OSBPL8: variants seen among roughly 807,000 people sequenced by gnomAD.
OSBPL8 encodes oxysterol binding protein like 8, also known as oxysterol-binding protein-related protein 8.
Under a neutral mutation model 125.5 loss-of-function variants are expected in OSBPL8, and 59 were observed. That is an observed-to-expected ratio of 0.47 (90% CI 0.38 to 0.58). The LOEUF is 0.58. OSBPL8 is among the 20% of genes least tolerant of loss of function. The probability of loss-of-function intolerance (pLI) is 0.00; values close to 1 mark genes in which losing one functional copy is unlikely to be tolerated. For synonymous variants in OSBPL8, 330 were observed against 338.9 expected (o/e 0.97, Z 0.29); for missense variants, 758 against 1,047.8 (o/e 0.72, Z 3.82).
intron 3 of OSBPL8, among the ~76,000 whole-genome samples, chr12:76,458,243 C>T (rs904301643): frequency 2.0e-5 from 3 of 152,148 alleles, no homozygotes; most frequent in African/African-American, 7.2e-5. Context: ...CACTGCACTC[C>T]AGCCTGGGTG....
intron 16 of OSBPL8, among the ~76,000 whole-genome samples, chr12:76,376,108 C>A (rs1952810174): frequency 6.6e-6 from 1 of 152,164 alleles, no homozygotes; most frequent in African/African-American, 2.4e-5. Flanking sequence ...CTCATACTCC[C>A]CCAGGAGCAA....
intron 7 of OSBPL8, 104 bp from the exon 8 acceptor site, chr12:76,398,001 A>G (rs1439802721): frequency 8.7e-6 from 8 of 922,264 alleles, no homozygotes; most frequent in Non-Finnish European, 1.3e-5. Context: ...CATAACACGT[A>G]CACTTTAAAT....
chr12:76,402,241 T>C (rs189550440), intron 6 of OSBPL8, among the ~76,000 whole-genome samples: 1 of 152,156 alleles, frequency 6.6e-6, no homozygotes, highest in Non-Finnish European at 1.5e-5. Flanking sequence ...GTGCTACATA[T>C]TTCTCAGAGA....
chr12:76,464,346 CCA>C (rs1352853395), intron 2 of OSBPL8, among the ~76,000 whole-genome samples: 6 of 152,060 alleles, frequency 3.9e-5, no homozygotes, highest in African/African-American at 1.4e-4. Flanking sequence ...TACCATTGTC[CCA>C]CAGACAATGT....
rs148018519 is a variant in OSBPL8 at position 76,456,302 on chromosome 12, T to G, written c.79+3557A>C. ...TATAGATCACGTACTTTTTTCATTC[T>G]ATAGTACATGATACTAATCAAGTAC... On this transcript the variant is annotated intron_variant, in intron 3 of 23. Coordinates refer to ENST00000261183, the MANE Select transcript of OSBPL8 (RefSeq NM_020841.5). 1.1e-3 allele frequency among the ~76,000 whole-genome samples: 171 copies of G among 152,288 alleles called. 2 individuals are homozygous for G. The East Asian group carries it at 0.025, about 23-fold the overall frequency.
chr12:76,450,294 C>G (rs1199920936), intron 4 of OSBPL8, among the ~76,000 whole-genome samples: 1 of 152,128 alleles, frequency 6.6e-6, no homozygotes, highest in Non-Finnish European at 1.5e-5. Flanking sequence ...CAGGCCAAAA[C>G]AGTGCCAAGG....
chr12:76,441,218 C>T (rs1225788281), intron 4 of OSBPL8, among the ~76,000 whole-genome samples: 4 of 152,214 alleles, frequency 2.6e-5, no homozygotes, highest in South Asian at 4.1e-4. Context: ...AGAGGAGACT[C>T]GGAAAATACT....
At chr12:76,438,964 A>G (rs929728512) in intron 4 of OSBPL8, among the ~76,000 whole-genome samples, 1 of 152,192 alleles carries the variant, frequency 6.6e-6, no homozygotes, top group Non-Finnish European at 1.5e-5. Context: ...AGCCTGATTT[A>G]AGGAATGTTT....
At position 76,384,332 on chromosome 12, in the gene OSBPL8, T is replaced by C. The variant is rs564876707; in HGVS notation, c.1552A>G (p.Ile518Val). 96 of 1,552,744 alleles carry C rather than the reference T, an allele frequency of 6.2e-5. 1 individual carries two copies. Among genetic ancestry groups the C allele is most frequent in the Non-Finnish European group, 8.0e-5 (91 of 1,139,244 alleles). ...IAEQVSHHPP[I>V]SAFYVSNRKD... ...CGATTACTAACATAAAAGGCAGATA[T>C]TGGTGGATGATGGGACACCTATTAA... The change falls in exon 15 of 24, where the codon ATA (isoleucine) becomes GTA (valine). Residue 518 changes from isoleucine to valine, a missense_variant. Coordinates refer to ENST00000261183, the MANE Select transcript of OSBPL8 (RefSeq NM_020841.5).
At chr12:76,397,344 G>A (rs1258384082) in intron 8 of OSBPL8, among the ~76,000 whole-genome samples, 1 of 144,262 alleles carries the variant, frequency 6.9e-6, no homozygotes, top group African/African-American at 2.6e-5. Flanking sequence ...ACAGGGGGTG[G>A]GGAGGGGGGG....
At chr12:76,443,755 C>A (rs1455036448) in intron 4 of OSBPL8, among the ~76,000 whole-genome samples, 1 of 152,136 alleles carries the variant, frequency 6.6e-6, no homozygotes, top group East Asian at 1.9e-4. Context: ...TATCTGCCCC[C>A]CTTGGCCTCC....
intron 2 of OSBPL8, among the ~76,000 whole-genome samples, chr12:76,463,063 G>A (rs11612916): frequency 0.38 from 57,604 of 151,952 alleles, 11,525 homozygotes; most frequent in Non-Finnish European, 0.46. Context: ...GACACAGTCT[G>A]ATTATGTTTT....
chr12:76,419,656 AG>A (rs1265121255), intron 4 of OSBPL8, among the ~76,000 whole-genome samples: 1 of 151,746 alleles, frequency 6.6e-6, no homozygotes, highest in Non-Finnish European at 1.5e-5. Flanking sequence ...AAAAAAACAT[AG>A]TAATGAGTTT....
intron 2 of OSBPL8, among the ~76,000 whole-genome samples, chr12:76,484,315 T>A (rs1256917824): frequency 6.6e-6 from 1 of 152,342 alleles, no homozygotes; most frequent in East Asian, 1.9e-4. Flanking sequence ...CCTACGTTCA[T>A]GTGCAATTCA....
intron 2 of OSBPL8, among the ~76,000 whole-genome samples, chr12:76,482,152 A>T (rs1877568447): frequency 6.6e-6 from 1 of 152,216 alleles, no homozygotes; most frequent in Admixed American, 6.5e-5. Context: ...GATTTTCTCA[A>T]CTGAGAGCAT....
chr12:76,441,570 C>T (rs1007330337), intron 4 of OSBPL8, among the ~76,000 whole-genome samples: 6 of 151,898 alleles, frequency 4.0e-5, no homozygotes, highest in Admixed American at 6.6e-5. Flanking sequence ...TCAATCTGTC[C>T]GACTTGCAAA....
At chr12:76,393,695 A>G (rs1953663476) in intron 9 of OSBPL8, among the ~76,000 whole-genome samples, 1 of 92,078 alleles carries the variant, frequency 1.1e-5, no homozygotes, top group African/African-American at 4.4e-5. Context: ...TGGGCGACAG[A>G]GTGAGACTCC....
chr12:76,516,601 A>G (rs1881555574), intron 1 of OSBPL8, among the ~76,000 whole-genome samples: 1 of 152,240 alleles, frequency 6.6e-6, no homozygotes, highest in Admixed American at 6.5e-5. Context: ...AAAGAGCAGT[A>G]ATAAATGTCA....
Position 76,375,159 on chromosome 12 carries a change from T to C in OSBPL8, c.1827+114A>G, listed in dbSNP as rs1040092652. 47 of 663,192 alleles carry C rather than the reference T, an allele frequency of 7.1e-5. No individual in the cohort carries two copies. The African/African-American group carries it at 7.3e-4, about 10-fold the overall frequency. The allele number at this position is 663,192 out of a possible 1,614,324, so 41.1% of individuals were successfully genotyped here. A position where few individuals can be genotyped will look rare whatever the true frequency, so the allele number is the denominator to read the frequency against. Reference sequence around the variant, plus strand: ...AGATGCACTTATCCTTGACATGACATAAATTGTGTTCTTACATTTAGTCCT... The same window carrying C: ...AGATGCACTTATCCTTGACATGACACAAATTGTGTTCTTACATTTAGTCCT... On this transcript the variant is annotated intron_variant, in intron 17 of 23. Coordinates refer to ENST00000261183, the MANE Select transcript of OSBPL8 (RefSeq NM_020841.5).
Sources: gnomAD v4.1 joint callset for allele counts (sites outside exome capture counted in the v4.1 genomes callset) on GRCh38, gnomAD v4.1.1 for gene constraint, MANE v1.5 for transcripts, NCBI Gene and HGNC (gene_info 2026-07-23, HGNC 2026-07-21) for gene names.